RNF115: variants seen among roughly 807,000 people sequenced by gnomAD.
RNF115 encodes the protein E3 ubiquitin-protein ligase RNF115.
In RNF115, 31 loss-of-function variants were observed where a neutral mutation model predicts 39.2. The observed-to-expected ratio is 0.79, with a 90% confidence interval of 0.59 to 1.07. The LOEUF (loss-of-function observed/expected upper bound fraction) is 1.07. Ranked by LOEUF, RNF115 falls within the 50% of genes least tolerant of loss-of-function variation. The probability of loss-of-function intolerance (pLI) is 0.00; values close to 1 mark genes in which losing one functional copy is unlikely to be tolerated. For synonymous variants in RNF115, 124 were observed against 131.0 expected, an observed-to-expected ratio of 0.95 and a Z score of 0.37; for missense variants, 384 against 381.7, an observed-to-expected ratio of 1.01 and a Z score of -0.05.
intron 4 of RNF115, among the ~76,000 whole-genome samples, chr1:145,758,416 T>C (rs1312588234): frequency 6.6e-6 from 1 of 152,174 alleles, no homozygotes. Flanking sequence ...AGCTGACATG[T>C]TGATTATAAC....
intron 1 of RNF115, among the ~76,000 whole-genome samples, chr1:145,801,166 A>G (rs1276132455): frequency 1.3e-5 from 2 of 152,138 alleles, no homozygotes; most frequent in African/African-American, 4.8e-5. Context: ...CAGAGCGCAC[A>G]GCAAGACTCC....
chr1:145,764,700 G>A (rs1463267725), intron 4 of RNF115, among the ~76,000 whole-genome samples: 2 of 151,936 alleles, frequency 1.3e-5, no homozygotes, highest in African/African-American at 2.4e-5. Context: ...CTCGGTCCGG[G>A]AGGGAGGTGG....
chr1:145,752,649 C>T lies in RNF115; in HGVS notation c.500+329G>A, dbSNP rs189612964. Among the ~76,000 whole-genome samples the T allele has an allele frequency of 1.2e-4, 16 of 132,290 alleles. No individual in the cohort carries two copies. The East Asian group carries it at 2.1e-3, about 17-fold the overall frequency. The allele number at this position is 132,290 out of a possible 152,430, so 86.8% of individuals were successfully genotyped here. A position where few individuals can be genotyped will look rare whatever the true frequency, so the allele number is the denominator to read the frequency against. On this transcript the variant is annotated intron_variant, in intron 5 of 8. Transcript: ENST00000582693. ...TGTCGCCCAAGCTGGAGTACAGTGG[C>T]GCGATCTCGGCTCACTGCAACCTCC... is the stretch of plus-strand genomic sequence containing the variant.
intron 3 of RNF115, among the ~76,000 whole-genome samples, chr1:145,783,830 T>C (rs1648255241): frequency 6.6e-6 from 1 of 151,842 alleles, no homozygotes; most frequent in Non-Finnish European, 1.5e-5. Context: ...GGTTTCTTTT[T>C]TTAAAAAAAA....
intron 1 of RNF115, among the ~76,000 whole-genome samples, chr1:145,805,505 C>T (rs1368929642): frequency 6.6e-6 from 1 of 151,732 alleles, no homozygotes; most frequent in Non-Finnish European, 1.5e-5. Flanking sequence ...AGCATTATTG[C>T]TTTGTTTGAT....
chr1:145,753,195 C>A, intron 4 of RNF115, 146 bp from the exon 5 acceptor site: 1 of 607,610 alleles, frequency 1.6e-6, no homozygotes, highest in Non-Finnish European at 2.9e-6. Context: ...CAGAAATCAG[C>A]CTGCCACACA....
Position 145,813,701 on chromosome 1 carries a change from C to T in RNF115, c.102+10071G>A, listed in dbSNP as rs587663653. The stretch of plus-strand genomic sequence containing the variant: ...CATCAGAGGTTTGCCTAAAATTATA[C>T]GGTCTCAATTTTCTTACTGAAAATT... On this transcript the variant is annotated intron_variant, in intron 1 of 8. Transcript: ENST00000582693. Among the ~76,000 whole-genome samples, 16 of 151,996 alleles carry T rather than the reference C, an allele frequency of 1.1e-4. No homozygotes were observed. The East Asian group carries it at 2.7e-3, about 26-fold the overall frequency.
At chr1:145,753,281 A>G (rs1658165566) in intron 4 of RNF115, among the ~76,000 whole-genome samples, 1 of 152,162 alleles carries the variant, frequency 6.6e-6, no homozygotes, top group South Asian at 2.1e-4. Context: ...TTTGTGAATT[A>G]AGCTGGAAAG....
At chr1:145,775,064 G>A (rs1371734947) in intron 3 of RNF115, among the ~76,000 whole-genome samples, 2 of 152,078 alleles carry the variant, frequency 1.3e-5, no homozygotes, top group African/African-American at 4.8e-5. Context: ...CTGGGCAACA[G>A]AGTGAGATCC....
intron 4 of RNF115, among the ~76,000 whole-genome samples, chr1:145,763,973 G>A (rs1489450402): frequency 7.0e-6 from 1 of 143,828 alleles, no homozygotes; most frequent in Non-Finnish European, 1.5e-5. Flanking sequence ...AGCCGAAGCT[G>A]GACTGTACTG....
intron 1 of RNF115, among the ~76,000 whole-genome samples, chr1:145,794,086 C>T (rs185417304): frequency 6.6e-6 from 1 of 152,252 alleles, no homozygotes; most frequent in Admixed American, 6.5e-5. Context: ...TCGAGTGATC[C>T]GCCTGCCTCA....
intron 1 of RNF115, among the ~76,000 whole-genome samples, chr1:145,792,683 C>A (rs1158844543): frequency 6.6e-6 from 1 of 151,918 alleles, no homozygotes; most frequent in East Asian, 1.9e-4. Flanking sequence ...AAATATTTGT[C>A]CAATGAAAAA....
intron 4 of RNF115, among the ~76,000 whole-genome samples, chr1:145,755,627 G>A (rs1479812666): frequency 6.6e-6 from 1 of 152,098 alleles, no homozygotes; most frequent in African/African-American, 2.4e-5. Context: ...GGATACCGGT[G>A]CCGCCACAAT....
chr1:145,773,474 A>C (rs1476574104), intron 3 of RNF115: 1 of 152,150 alleles, frequency 6.6e-6, no homozygotes, highest in Non-Finnish European at 1.5e-5. Flanking sequence ...AAAAGAAAAA[A>C]AAAAGAAAGA....
At chr1:145,760,983 A>G (rs1571717768) in intron 4 of RNF115, among the ~76,000 whole-genome samples, 1 of 152,176 alleles carries the variant, frequency 6.6e-6, no homozygotes. Flanking sequence ...TGGGAACTGG[A>G]GCAAAGAAGA....
intron 3 of RNF115, among the ~76,000 whole-genome samples, chr1:145,779,096 T>C (rs1400869086): frequency 6.6e-6 from 1 of 152,168 alleles, no homozygotes; most frequent in Non-Finnish European, 1.5e-5. Context: ...TGATCAACCA[T>C]CATATATAAC....
At chr1:145,795,632 T>C (rs1198094739) in intron 1 of RNF115, among the ~76,000 whole-genome samples, 3 of 152,106 alleles carry the variant, frequency 2.0e-5, no homozygotes, top group African/African-American at 7.2e-5. Context: ...ACCTCTCAGT[T>C]CTAGGAACCA....
chr1:145,762,898 T>A (rs141909175), intron 4 of RNF115, among the ~76,000 whole-genome samples: 371 of 152,262 alleles, frequency 2.4e-3, no homozygotes, highest in African/African-American at 8.4e-3. Context: ...CCTAAGCAAC[T>A]TAACACAGAA....
At chr1:145,810,797 A>T (rs1649659604) in intron 1 of RNF115, among the ~76,000 whole-genome samples, 1 of 143,470 alleles carries the variant, frequency 7.0e-6, no homozygotes, top group African/African-American at 2.6e-5. Flanking sequence ...AATCTGTATA[A>T]TTACCAAAGC....
Sources: allele counts gnomAD v4.1 joint callset (sites outside exome capture counted in the v4.1 genomes callset), GRCh38; gene constraint gnomAD v4.1.1; transcripts MANE v1.5; gene names NCBI Gene and HGNC (gene_info 2026-07-23, HGNC 2026-07-21).